Variants in GPM6A observed in about 807,000 individuals in gnomAD.
GPM6A encodes the protein neuronal membrane glycoprotein M6-a.
In GPM6A, 7 loss-of-function variants were observed where a neutral mutation model predicts 32.1. The observed-to-expected ratio is 0.22, with a 90% CI of 0.12 to 0.41. GPM6A has a LOEUF of 0.41. Among genes scored for constraint, GPM6A ranks in the 10% least tolerant of loss-of-function variants. The pLI is 1.00. For missense variants in GPM6A, 235 were observed against 347.2 expected (o/e 0.68, Z 2.57); for synonymous variants, 130 against 123.4 (o/e 1.05, Z -0.35).
intron 4 of GPM6A, among the ~76,000 whole-genome samples, chr4:175,646,394 CTT>C (rs1447519362): frequency 2.6e-5 from 4 of 152,106 alleles, no homozygotes; most frequent in Non-Finnish European, 5.9e-5. Flanking sequence ...ATAGCACACA[CTT>C]AGGTTAAAAG....
intron 1 of GPM6A, among the ~76,000 whole-genome samples, chr4:175,890,473 AAT>A (rs1737605491): frequency 6.6e-6 from 1 of 151,498 alleles, no homozygotes; most frequent in African/African-American, 2.4e-5. Context: ...AAGCAAACTG[AAT>A]ATGTTTAGAG....
chr4:175,732,207 C>T (rs189812495), intron 1 of GPM6A, among the ~76,000 whole-genome samples: 328 of 152,046 alleles, frequency 2.2e-3, no homozygotes, highest in African/African-American at 2.9e-3. Flanking sequence ...CCTCGTGATC[C>T]GCCCGCCTCG....
intron 1 of GPM6A, among the ~76,000 whole-genome samples, chr4:175,928,573 T>C (rs1738924110): frequency 6.6e-6 from 1 of 152,096 alleles, no homozygotes; most frequent in Admixed American, 6.5e-5. Context: ...AAGAGGAGTG[T>C]ATTGCAGAGT....
rs189220711 is a variant in GPM6A at position 175,972,522 on chromosome 4, G to C, written c.-23+29787C>G. Among the ~76,000 whole-genome samples, 684 of 152,190 alleles carry C rather than the reference G, an allele frequency of 4.5e-3. 4 individuals are homozygous for C. Among genetic ancestry groups the C allele is most frequent in the African/African-American group, 0.016 (649 of 41,520 alleles). Reference sequence around the variant, plus strand: ...TTGGACAAGCCAATTCACTTGTCTTGGCCTCAGGCTCCACACTATAAAATA... The same window carrying C: ...TTGGACAAGCCAATTCACTTGTCTTCGCCTCAGGCTCCACACTATAAAATA... On this transcript the variant is annotated intron_variant, in intron 1 of 7. Transcript: ENST00000280187.
chr4:175,829,120 G>T (rs1434653002), intron 1 of GPM6A, among the ~76,000 whole-genome samples: 1 of 152,108 alleles, frequency 6.6e-6, no homozygotes, highest in Non-Finnish European at 1.5e-5. Context: ...TTTGTAGACT[G>T]GGTTTTGCCA....
intron 1 of GPM6A, among the ~76,000 whole-genome samples, chr4:175,877,286 C>T (rs1352731299): frequency 6.6e-6 from 1 of 152,080 alleles, no homozygotes; most frequent in Non-Finnish European, 1.5e-5. Context: ...TTTTATATGA[C>T]TATCTAAATA....
intron 3 of GPM6A, among the ~76,000 whole-genome samples, chr4:175,659,613 C>A (rs184802846): frequency 1.6e-4 from 25 of 152,204 alleles, no homozygotes; most frequent in Non-Finnish European, 2.9e-4. Flanking sequence ...AAATGATAGT[C>A]ATGAAAATTG....
intron 1 of GPM6A, among the ~76,000 whole-genome samples, chr4:175,912,587 A>T (rs1370086666): frequency 6.6e-6 from 1 of 152,154 alleles, no homozygotes; most frequent in Non-Finnish European, 1.5e-5. Context: ...CTTGGGAGGC[A>T]GAGGTTGCAG....
chr4:175,930,806 A>G (rs1418984383), intron 1 of GPM6A, among the ~76,000 whole-genome samples: 1 of 152,124 alleles, frequency 6.6e-6, no homozygotes, highest in Non-Finnish European at 1.5e-5. Flanking sequence ...AGTTAATATT[A>G]CATAATTTTG....
chr4:175,990,658 T>TTA (rs397943536), intron 1 of GPM6A, among the ~76,000 whole-genome samples: 4 of 151,522 alleles, frequency 2.6e-5, no homozygotes, highest in African/African-American at 9.7e-5. Flanking sequence ...TTTTTTTTTT[T>TTA]AACCAGGGAA....
chr4:175,842,435 A>G (rs1455418402), intron 1 of GPM6A, among the ~76,000 whole-genome samples: 2 of 152,144 alleles, frequency 1.3e-5, no homozygotes, highest in Non-Finnish European at 2.9e-5. Context: ...GTAAGTGGCC[A>G]TAGGAAAAAT....
intron 1 of GPM6A, among the ~76,000 whole-genome samples, chr4:175,937,265 G>A (rs1739271006): frequency 1.3e-5 from 2 of 152,048 alleles, no homozygotes; most frequent in African/African-American, 4.8e-5. Context: ...AGCATTCTTT[G>A]TAAATAGTAA....
rs1390504074 is a variant in GPM6A, at chr4:175,796,854, A to G, written c.37+15337T>C. On this transcript the variant is annotated intron_variant, in intron 1 of 6. Transcript: ENST00000393658. Reference sequence around the variant, plus strand: ...CCTTTCTCTCAGTGCTACCCCCAGGAATTAAACCTCACAATTTCTTTCCTG... The same window carrying G: ...CCTTTCTCTCAGTGCTACCCCCAGGGATTAAACCTCACAATTTCTTTCCTG... 7.9e-5 allele frequency among the ~76,000 whole-genome samples: 12 copies of G among 152,162 alleles called. 1 individual carries two copies.
At chr4:175,671,861 G>T (rs1178988437) in intron 3 of GPM6A, among the ~76,000 whole-genome samples, 2 of 152,154 alleles carry the variant, frequency 1.3e-5, no homozygotes, top group Non-Finnish European at 2.9e-5. Flanking sequence ...TGTTACAGGA[G>T]TGGGCGGGGC....
intron 1 of GPM6A, 97 bp downstream of exon 1, chr4:175,812,094 G>T: frequency 1.1e-6 from 1 of 900,068 alleles, no homozygotes; most frequent in Non-Finnish European, 1.7e-6. Context: ...CCTTCCAAGA[G>T]AGAAACATTC....
intron 1 of GPM6A, among the ~76,000 whole-genome samples, chr4:175,734,259 T>G (rs1448598042): frequency 2.0e-5 from 3 of 152,020 alleles, no homozygotes; most frequent in African/African-American, 7.2e-5. Flanking sequence ...TTCTGTTCCC[T>G]TGTCTTTAGC....
At chr4:175,863,579 T>A (rs1167809489) in intron 1 of GPM6A, among the ~76,000 whole-genome samples, 1 of 152,168 alleles carries the variant, frequency 6.6e-6, no homozygotes, top group Non-Finnish European at 1.5e-5. Flanking sequence ...TGCCTTCACA[T>A]TTTTCTTGAA....
upstream of GPM6A, among the ~76,000 whole-genome samples, chr4:175,816,842 C>A (rs1735114670): frequency 6.7e-6 from 1 of 148,638 alleles, no homozygotes; most frequent in African/African-American, 2.5e-5. Context: ...ACTTTCATAA[C>A]ATTTTCTTTT....
intron 1 of GPM6A, among the ~76,000 whole-genome samples, chr4:175,763,951 ATGT>A (rs1262883022): frequency 5.3e-5 from 8 of 152,190 alleles, no homozygotes; most frequent in Admixed American, 1.3e-4. Context: ...GATTTTGGAA[ATGT>A]TGTTTTAGTC....
Sources: allele counts gnomAD v4.1 joint callset (sites outside exome capture counted in the v4.1 genomes callset), GRCh38; gene constraint gnomAD v4.1.1; transcripts MANE v1.5; gene names NCBI Gene and HGNC (gene_info 2026-07-23, HGNC 2026-07-21).